SAMD4B: variants seen among roughly 807,000 people sequenced by gnomAD.
SAMD4B encodes sterile alpha motif domain containing 4B.
A neutral mutation model predicts 74.5 loss-of-function variants in SAMD4B; 5 were observed. That is an observed-to-expected ratio of 0.07 (90% CI 0.04 to 0.14). The LOEUF (loss-of-function observed/expected upper bound fraction) is 0.14, where lower values mean the gene tolerates loss of function less well. Among genes scored for constraint, SAMD4B ranks in the 10% least tolerant of loss-of-function variants. The pLI is 1.00. For missense variants in SAMD4B, 608 were observed against 921.8 expected, an observed-to-expected ratio of 0.66 and a Z score of 4.41; for synonymous variants, 373 against 374.9, an observed-to-expected ratio of 1.00 and a Z score of 0.06.
intron 3 of SAMD4B, among the ~76,000 whole-genome samples, chr19:39,364,130 C>T (rs1222572875): frequency 3.3e-5 from 5 of 152,248 alleles, no homozygotes; most frequent in Non-Finnish European, 7.3e-5. Context: ...TTCTCGGCAG[C>T]AGAACAAGGT....
At chr19:39,359,209 C>T (rs1009546594) in intron 3 of SAMD4B, among the ~76,000 whole-genome samples, 5 of 152,214 alleles carry the variant, frequency 3.3e-5, no homozygotes, top group African/African-American at 9.6e-5. Context: ...TACACAGCTT[C>T]GTCACACATC....
intron 3 of SAMD4B, among the ~76,000 whole-genome samples, chr19:39,367,417 G>C (rs1212941345): frequency 6.6e-6 from 1 of 150,382 alleles, no homozygotes; most frequent in African/African-American, 2.4e-5. Flanking sequence ...GGTATTTTTT[G>C]TCCCTCTCCT....
At chr19:39,344,598 T>C (rs566889818) in intron 1 of SAMD4B, among the ~76,000 whole-genome samples, 29 of 152,140 alleles carry the variant, frequency 1.9e-4, no homozygotes, top group Non-Finnish European at 3.5e-4. Flanking sequence ...AACTTTAGAA[T>C]TGCTATTTAC....
At chr19:39,389,460 C>T (rs1238144667), downstream of SAMD4B, 3 of 1,613,578 alleles carry the variant, frequency 1.9e-6, no homozygotes, top group Non-Finnish European at 2.5e-6. This position sits in a 1 kb window ranked among gnomAD's most constrained non-coding sequence, Gnocchi z 5.3. Flanking sequence ...GTCTCCAGTA[C>T]CCATTTGCTA....
chr19:39,359,591 G>T (rs1033697766), intron 3 of SAMD4B, among the ~76,000 whole-genome samples: 1 of 152,022 alleles, frequency 6.6e-6, no homozygotes, highest in Non-Finnish European at 1.5e-5. Context: ...TCTGTTTCTC[G>T]TTAAGTATTT....
At chr19:39,380,426 A>G (rs1308400597) in intron 10 of SAMD4B, among the ~76,000 whole-genome samples, 161 bp from the exon 11 acceptor site, 1 of 152,244 alleles carries the variant, frequency 6.6e-6, no homozygotes, top group East Asian at 1.9e-4. Flanking sequence ...TACATGTCCC[A>G]TCTCCTTCCA....
At chr19:39,343,237 G>A (rs1291775159) in intron 1 of SAMD4B, among the ~76,000 whole-genome samples, 2 of 149,812 alleles carry the variant, frequency 1.3e-5, no homozygotes, top group African/African-American at 4.9e-5. Flanking sequence ...CCCCCTCCCG[G>A]ATCCTAAGAA....
chr19:39,356,660 C>A (rs977692681), intron 2 of SAMD4B, 29 bp from the exon 3 acceptor site: 11 of 442,506 alleles, frequency 2.5e-5, no homozygotes, highest in Admixed American at 7.8e-5. Context: ...CCCCTTCTTT[C>A]TGTTTGACCC....
At chr19:39,390,189 G>C (rs771193833), downstream of SAMD4B, 4 of 1,611,256 alleles carry the variant, frequency 2.5e-6, no homozygotes, top group African/African-American at 5.3e-5. Flanking sequence ...TCAAAAGTGG[G>C]CCCCCGCTGC....
At chr19:39,365,161 G>A (rs1023905904) in intron 3 of SAMD4B, among the ~76,000 whole-genome samples, 3 of 151,096 alleles carry the variant, frequency 2.0e-5, no homozygotes, top group African/African-American at 4.9e-5. Context: ...CAGGAGAATG[G>A]TGTGAACCCA....
chr19:39,375,742 G>A lies in SAMD4B; in HGVS notation c.760G>A (p.Glu254Lys), dbSNP rs759386501. Residue 254 changes from glutamate (E) to lysine (K), a missense_variant, in exon 5 of 14, where the codon GAG (glutamate) becomes AAG (lysine). By Grantham distance (56) the Glu-to-Lys change is moderately conservative. Around this residue, in one of 9 missense-constraint regions of SAMD4B, gnomAD observed 153 missense variants for 153.0 expected, o/e 1.00. Transcript: ENST00000610417. This position sits in a 1 kb window ranked among gnomAD's most constrained non-coding sequence, Gnocchi z 4.1. ...GGTCCCTGGTGAGTGGCCGAGTCCA[G>A]AGGAGCTTGGGGCCCGGGCTGCTTT... ...PQVPGEWPSP[E>K]ELGARAAFTT... The A allele has an allele frequency of 1.2e-6, 2 of 1,614,170 alleles. No individual in the cohort carries two copies. The highest frequency in any genetic ancestry group is 1.7e-6 in the Non-Finnish European group (2 of 1,180,012).
chr19:39,373,970 A>AAT (rs916593610), intron 4 of SAMD4B, among the ~76,000 whole-genome samples: 12 of 140,400 alleles, frequency 8.5e-5, no homozygotes, highest in East Asian at 4.1e-4. Flanking sequence ...ATCTCTAAAA[A>AAT]ATATATATAT....
intron 10 of SAMD4B, 29 bp from the exon 11 acceptor site, chr19:39,380,558 T>C (rs2077903828): frequency 6.2e-7 from 1 of 1,612,974 alleles, no homozygotes; most frequent in Admixed American, 1.7e-5. Context: ...TCTATGTAAA[T>C]TAACACCCTG....
intron 1 of SAMD4B, 71 bp from the exon 2 acceptor site, chr19:39,353,932 TATC>T (rs1460667975): frequency 6.6e-6 from 1 of 152,208 alleles, no homozygotes; most frequent in Non-Finnish European, 1.5e-5. Flanking sequence ...AGATACGTTA[TATC>T]ATACAATGTG....
chr19:39,373,530 C>A (rs1158642476), intron 4 of SAMD4B, among the ~76,000 whole-genome samples: 1 of 150,484 alleles, frequency 6.6e-6, no homozygotes, highest in Non-Finnish European at 1.5e-5. Flanking sequence ...GAGGCAGCAG[C>A]AGAGGGGTAC....
chr19:39,381,252 C>A, intron 12 of SAMD4B, 139 bp downstream of exon 12: 1 of 1,030,906 alleles, frequency 9.7e-7, no homozygotes, highest in Non-Finnish European at 1.4e-6. Context: ...CTGCACCCAT[C>A]TCCCCCAATT....
downstream of SAMD4B, chr19:39,388,600 G>A (rs2078305575): frequency 1.2e-6 from 2 of 1,613,886 alleles, no homozygotes; most frequent in Non-Finnish European, 1.7e-6. Context: ...TCCTGGTCCC[G>A]CTTTCGTTTC....
intron 4 of SAMD4B, among the ~76,000 whole-genome samples, chr19:39,373,617 A>G (rs946574461): frequency 1.3e-5 from 2 of 152,130 alleles, no homozygotes; most frequent in African/African-American, 2.4e-5. Context: ...AAAAGCACAG[A>G]TAAAGGTCTG....
intron 3 of SAMD4B, among the ~76,000 whole-genome samples, chr19:39,361,614 TA>T (rs1185248390): frequency 1.2e-4 from 16 of 136,224 alleles, no homozygotes; most frequent in South Asian, 2.3e-4. Flanking sequence ...AGACTCCATC[TA>T]AAAAAAAAAG....
Sources: gnomAD v4.1 joint callset for allele counts (sites outside exome capture counted in the v4.1 genomes callset) on GRCh38, gnomAD v4.1.1 for gene constraint, gnomAD v4.1.1 regional missense constraint, Gnocchi (gnomAD v3.1) non-coding constraint, MANE v1.5 for transcripts, NCBI Gene and HGNC (gene_info 2026-07-23, HGNC 2026-07-21) for gene names.